The following DCDC1 variants were observed in gnomAD, a reference collection of about 807,000 sequenced individuals.
DCDC1 encodes the protein doublecortin domain-containing protein 1.
A neutral mutation model predicts 178.3 loss-of-function variants in DCDC1; 200 were observed. That is an observed-to-expected ratio of 1.12 (90% CI 1.00 to 1.26). DCDC1 has a LOEUF of 1.26. Among genes scored for constraint, DCDC1 ranks in the 50% most tolerant of loss-of-function variants. The pLI is 0.00. For missense variants in DCDC1, 1,983 were observed against 1,749.2 expected (o/e 1.13, Z -2.38); for synonymous variants, 690 against 604.8 (o/e 1.14, Z -2.07).
intron 21 of DCDC1, among the ~76,000 whole-genome samples, chr11:30,950,333 T>C (rs934916357): frequency 1.3e-5 from 2 of 152,134 alleles, no homozygotes; most frequent in Non-Finnish European, 2.9e-5. Context: ...GTTCCAGTAA[T>C]CCCACTACTG....
In DCDC1 at chr11:31,250,886, C is replaced by T. The variant is rs1215620799; in HGVS notation, c.1055-9270G>A. ...TCTCCTGCCTCAGCCTCCCAAGTAG[C>T]TGGGATTACAGGTGCGTGTCACCAT... On this transcript the variant is annotated intron_variant, in intron 8 of 38. Coordinates refer to ENST00000684477, the MANE Select transcript of DCDC1 (RefSeq NM_001387274.1). 2.0e-5 allele frequency among the ~76,000 whole-genome samples: 3 copies of T among 151,974 alleles called. No homozygotes were observed. In the East Asian group the frequency reaches 5.8e-4, roughly 30 times the overall value.
At chr11:30,981,223 A>G (rs1358772321) in intron 20 of DCDC1, among the ~76,000 whole-genome samples, 1 of 152,122 alleles carries the variant, frequency 6.6e-6, no homozygotes, top group African/African-American at 2.4e-5. Context: ...GGGTTGAAAA[A>G]TTACCTGTTG....
chr11:31,049,042 T>A (rs1167154564), intron 20 of DCDC1, among the ~76,000 whole-genome samples: 1 of 152,248 alleles, frequency 6.6e-6, no homozygotes, highest in Non-Finnish European at 1.5e-5. Context: ...TTTAAAAATG[T>A]AAAAGTAATT....
chr11:31,349,198 A>G (rs942845813), intron 1 of DCDC1, among the ~76,000 whole-genome samples: 3 of 152,210 alleles, frequency 2.0e-5, no homozygotes, highest in Non-Finnish European at 2.9e-5. Flanking sequence ...GCCTTATTCT[A>G]TGCTACCAGA....
chr11:31,035,652 T>C (rs575904147), intron 20 of DCDC1, among the ~76,000 whole-genome samples: 1 of 152,350 alleles, frequency 6.6e-6, no homozygotes, highest in Non-Finnish European at 1.5e-5. Flanking sequence ...CTGCCATGTT[T>C]CTCCACTGTA....
chr11:31,125,119 T>C (rs1404007533), intron 11 of DCDC1, among the ~76,000 whole-genome samples: 1 of 151,992 alleles, frequency 6.6e-6, no homozygotes, highest in Non-Finnish European at 1.5e-5. Context: ...GCAAAGGATA[T>C]GAATAGACAC....
rs372274622 is a variant in DCDC1, at chr11:31,328,221, G to A, written c.60C>T (p.Leu20=). The stretch of plus-strand genomic sequence containing the variant: ...GTAATACTTCCATTGCTTCAGTCAA[G>A]AGGGATAAGGAAGACTGAGATAGTG... ...REALSQSSLS[L]LTEAMEVLQQ... is the part of the protein sequence containing the mutation. The change falls in exon 3 of 39, where the codon CTC becomes CTT. Residue 20 remains leucine, a synonymous_variant. Transcript: ENST00000684477. 3 of 1,609,074 alleles carry A rather than the reference G, an allele frequency of 1.9e-6. No individual in the cohort carries two copies. In the African/African-American group the frequency reaches 4.0e-5, roughly 21 times the overall value.
intron 20 of DCDC1, among the ~76,000 whole-genome samples, chr11:30,968,977 C>T (rs1949629028): frequency 6.6e-6 from 1 of 151,648 alleles, no homozygotes; most frequent in Admixed American, 6.6e-5. Context: ...ACAAAATTCC[C>T]CTACTCAAAA....
chr11:30,939,508 A>G (rs1947497258), intron 21 of DCDC1, among the ~76,000 whole-genome samples: 2 of 152,226 alleles, frequency 1.3e-5, no homozygotes, highest in South Asian at 4.1e-4. Flanking sequence ...CAGGTAATTT[A>G]TCCCTCACCA....
At chr11:31,095,480 T>C (rs1214935969) in intron 15 of DCDC1, among the ~76,000 whole-genome samples, 2 of 152,224 alleles carry the variant, frequency 1.3e-5, no homozygotes, top group East Asian at 3.8e-4. Context: ...ATCAAACATA[T>C]CTTGCTAACA....
At chr11:31,054,280 C>G (rs575975336) in intron 20 of DCDC1, among the ~76,000 whole-genome samples, 6 of 149,618 alleles carry the variant, frequency 4.0e-5, no homozygotes, top group Non-Finnish European at 8.9e-5. Context: ...TTTACCTAAC[C>G]AAGGAGGCAA....
intron 20 of DCDC1, among the ~76,000 whole-genome samples, chr11:30,987,331 T>C (rs1225750394): frequency 1.3e-5 from 2 of 152,160 alleles, no homozygotes; most frequent in Non-Finnish European, 2.9e-5. Flanking sequence ...TCTTTGTTTT[T>C]AAGGGAGAGA....
rs749309462 is a variant in DCDC1 at position 30,952,582 on chromosome 11, TA to T, written c.2592-15del. The T allele has an allele frequency of 8.6e-7, 1 of 1,166,474 alleles. No homozygotes were observed. Among genetic ancestry groups the T allele is most frequent in the South Asian group, 1.4e-5 (1 of 70,290 alleles). 72.3% of individuals were successfully genotyped at this position (1,166,474 alleles called of 1,614,324 possible). On this transcript the variant is annotated splice_polypyrimidine_tract_variant and intron_variant, in intron 20 of 38. Transcript: ENST00000684477. ...TTTATGGCCCACCTAAAACAAAAGATAAAAAACAAAAAGAAATTTAGCAAGG... is the reference window on the plus strand; with the variant it reads ...TTTATGGCCCACCTAAAACAAAAGATAAAAACAAAAAGAAATTTAGCAAGG...
chr11:31,254,505 C>T (rs1944283772), intron 8 of DCDC1, among the ~76,000 whole-genome samples: 3 of 152,152 alleles, frequency 2.0e-5, no homozygotes, highest in Admixed American at 2.0e-4. Flanking sequence ...TAGTGAATAA[C>T]AATTATGTGA....
chr11:30,956,228 G>T (rs1446968934), intron 20 of DCDC1, among the ~76,000 whole-genome samples: 1 of 152,154 alleles, frequency 6.6e-6, no homozygotes, highest in African/African-American at 2.4e-5. Context: ...TTGAGATGGG[G>T]TGTAGCTATG....
At chr11:31,072,893 A>G (rs908570212) in intron 18 of DCDC1, among the ~76,000 whole-genome samples, 18 of 152,276 alleles carry the variant, frequency 1.2e-4, no homozygotes, top group Middle Eastern at 3.4e-3. Flanking sequence ...TGAAGCTTAA[A>G]AAGGTTAAAT....
chr11:31,087,238 T>C (rs1248937755), intron 17 of DCDC1, among the ~76,000 whole-genome samples: 1 of 152,156 alleles, frequency 6.6e-6, no homozygotes, highest in Non-Finnish European at 1.5e-5. Flanking sequence ...ATACAGGTAA[T>C]TTGTGTCCTC....
intron 25 of DCDC1, among the ~76,000 whole-genome samples, chr11:30,917,240 C>T (rs772826320): frequency 6.6e-6 from 1 of 152,092 alleles, no homozygotes; most frequent in Non-Finnish European, 1.5e-5. Flanking sequence ...TCCTCAATCA[C>T]ATAATAAACA....
chr11:31,024,066 A>T (rs1416630016), intron 20 of DCDC1, among the ~76,000 whole-genome samples: 1 of 152,072 alleles, frequency 6.6e-6, no homozygotes, highest in Non-Finnish European at 1.5e-5. Flanking sequence ...ACAAAGGTAC[A>T]TGATTAGGAA....
Sources: gnomAD v4.1 joint callset for allele counts (sites outside exome capture counted in the v4.1 genomes callset) on GRCh38, gnomAD v4.1.1 for gene constraint, MANE v1.5 for transcripts, NCBI Gene and HGNC (gene_info 2026-07-23, HGNC 2026-07-21) for gene names.